The following NUMB variants were observed in gnomAD, a reference collection of about 807,000 sequenced individuals.
NUMB encodes the protein protein numb homolog.
NUMB carries 29 observed loss-of-function variants against 59.7 expected under a neutral mutation model. That is an observed-to-expected ratio of 0.49 (90% CI 0.36 to 0.66). The LOEUF is 0.66. NUMB is among the 30% of genes least tolerant of loss of function. The pLI, the probability that NUMB is intolerant of heterozygous loss-of-function variation, is 0.00. For synonymous variants in NUMB, 288 were observed against 288.2 expected (o/e 1.00, Z 0.01); for missense variants, 723 against 822.0 (o/e 0.88, Z 1.47).
rs757098568 is a variant in NUMB, at chr14:73,331,547, C to CA, written c.127-8344dup. 4.7e-3 allele frequency among the ~76,000 whole-genome samples: 703 copies of CA among 149,162 alleles called. 7 individuals carry two copies. Among genetic ancestry groups the CA allele is most frequent in the African/African-American group, 0.011 (468 of 40,788 alleles). The stretch of plus-strand genomic sequence containing the variant: ...TGGGCAACAGAGCAAGACTCCGTCT[C>CA]AAAAAAAAAAATTTTTTTTCTTCTA... On this transcript the variant is annotated intron_variant, in intron 4 of 12. Coordinates refer to ENST00000555238, the MANE Select transcript of NUMB (RefSeq NM_001005743.2).
intron 1 of NUMB, among the ~76,000 whole-genome samples, chr14:73,446,926 C>T (rs1382826373): frequency 2.0e-5 from 3 of 152,014 alleles, no homozygotes; most frequent in African/African-American, 4.8e-5. Context: ...CAGTGGCTCA[C>T]GCCTGTAATC....
intron 1 of NUMB, among the ~76,000 whole-genome samples, chr14:73,451,839 T>A (rs915831727): frequency 1.3e-5 from 2 of 152,226 alleles, no homozygotes; most frequent in Non-Finnish European, 2.9e-5. Context: ...TTTTTCCCTC[T>A]TCTTCCCTAA....
chr14:73,396,491 G>A (rs868539036), intron 2 of NUMB, among the ~76,000 whole-genome samples: 1 of 151,502 alleles, frequency 6.6e-6, no homozygotes, highest in Non-Finnish European at 1.5e-5. Flanking sequence ...GGGACTACAG[G>A]CCCATACCAC....
intron 2 of NUMB, among the ~76,000 whole-genome samples, chr14:73,407,732 G>T (rs534381364): frequency 2.0e-5 from 3 of 152,170 alleles, no homozygotes; most frequent in South Asian, 2.1e-4. Context: ...TGGGTCTTCT[G>T]CTTCCTAAAG....
At chr14:73,346,981 T>C (rs1892953224) in intron 4 of NUMB, among the ~76,000 whole-genome samples, 1 of 152,154 alleles carries the variant, frequency 6.6e-6, no homozygotes. Context: ...CAAAAGGAAA[T>C]CACAGGTGAT....
chr14:73,406,673 G>A (rs1248134479), intron 2 of NUMB, among the ~76,000 whole-genome samples: 1 of 152,148 alleles, frequency 6.6e-6, no homozygotes, highest in Non-Finnish European at 1.5e-5. Flanking sequence ...TTGCCACACT[G>A]TCTTCCACGA....
intron 4 of NUMB, among the ~76,000 whole-genome samples, chr14:73,345,619 A>T (rs1892877684): frequency 6.6e-6 from 1 of 152,190 alleles, no homozygotes; most frequent in Non-Finnish European, 1.5e-5. Flanking sequence ...AATTAAAAAT[A>T]AGAACATTTG....
At chr14:73,399,551 G>A (rs1223366508) in intron 2 of NUMB, among the ~76,000 whole-genome samples, 1 of 150,224 alleles carries the variant, frequency 6.7e-6, no homozygotes, top group Non-Finnish European at 1.5e-5. Flanking sequence ...CGACAAGAGA[G>A]AAACTATGTC....
chr14:73,281,054 A>C (rs1888602092), intron 11 of NUMB, among the ~76,000 whole-genome samples: 2 of 151,984 alleles, frequency 1.3e-5, no homozygotes, highest in Admixed American at 1.3e-4. Flanking sequence ...GTGGCAAAAA[A>C]ATTTTTTTTT....
At chr14:73,326,919 G>C (rs1251954176) in intron 4 of NUMB, among the ~76,000 whole-genome samples, 2 of 150,540 alleles carry the variant, frequency 1.3e-5, no homozygotes, top group Admixed American at 1.3e-4. Flanking sequence ...CTTTCCCAAA[G>C]TCATACACAC....
intron 1 of NUMB, among the ~76,000 whole-genome samples, chr14:73,427,850 C>A (rs1377857100): frequency 2.6e-5 from 4 of 152,174 alleles, no homozygotes; most frequent in Non-Finnish European, 5.9e-5. Flanking sequence ...ACTTTCCCAA[C>A]AAACCAACAA....
intron 4 of NUMB, among the ~76,000 whole-genome samples, chr14:73,354,669 A>T (rs374477168): frequency 1.3e-5 from 2 of 151,140 alleles, no homozygotes; most frequent in East Asian, 3.9e-4. Flanking sequence ...CTCTACTAAA[A>T]ATACAAAAAT....
intron 1 of NUMB, among the ~76,000 whole-genome samples, chr14:73,456,447 T>C (rs1005256470): frequency 1.3e-5 from 2 of 152,216 alleles, no homozygotes; most frequent in African/African-American, 4.8e-5. Flanking sequence ...TATTTTATCC[T>C]TTGGCCAGGA....
intron 3 of NUMB, among the ~76,000 whole-genome samples, chr14:73,361,458 C>CT (rs530239515): frequency 1.9e-3 from 271 of 145,552 alleles, no homozygotes; most frequent in Admixed American, 5.4e-3. Flanking sequence ...TTCAGAATTT[C>CT]TTTTTTTTTT....
intron 6 of NUMB, among the ~76,000 whole-genome samples, chr14:73,305,965 A>G (rs1890407549): frequency 6.6e-6 from 1 of 152,002 alleles, no homozygotes; most frequent in Non-Finnish European, 1.5e-5. Context: ...AGAAAAGAAA[A>G]GCCTTGAAGT....
At chr14:73,297,395 G>A in intron 6 of NUMB, 110 bp from the exon 7 acceptor site, 2 of 715,172 alleles carry the variant, frequency 2.8e-6, no homozygotes. Flanking sequence ...CACAAGTACA[G>A]ATGGAGTCCA....
intron 6 of NUMB, among the ~76,000 whole-genome samples, chr14:73,313,733 G>A (rs1328961906): frequency 1.4e-5 from 2 of 146,878 alleles, no homozygotes; most frequent in East Asian, 3.9e-4. Context: ...AATAAGGGAT[G>A]CTCAACATGC....
chr14:73,283,574 A>G (rs1272084640), intron 10 of NUMB, among the ~76,000 whole-genome samples: 2 of 152,232 alleles, frequency 1.3e-5, no homozygotes, highest in South Asian at 2.1e-4. Context: ...GAACAAGTCC[A>G]CTGTCTGTGA....
chr14:73,406,143 G>A (rs1188676173), intron 2 of NUMB, among the ~76,000 whole-genome samples: 4 of 148,894 alleles, frequency 2.7e-5, no homozygotes, highest in African/African-American at 5.0e-5. Flanking sequence ...TGTGCACAAC[G>A]TGCAGGTTTG....
Sources: allele counts gnomAD v4.1 joint callset (sites outside exome capture counted in the v4.1 genomes callset), GRCh38; gene constraint gnomAD v4.1.1; transcripts MANE v1.5; gene names NCBI Gene and HGNC (gene_info 2026-07-23, HGNC 2026-07-21).